The following JAK1 variants were observed in gnomAD, a reference collection of about 807,000 sequenced individuals.
JAK1 encodes tyrosine-protein kinase JAK1.
JAK1 carries 16 observed loss-of-function variants against 136.6 expected under a neutral mutation model. That is an observed-to-expected ratio of 0.12 (90% CI 0.08 to 0.18). JAK1 has a LOEUF of 0.18. Among genes scored for constraint, JAK1 ranks in the 10% least tolerant of loss-of-function variants. The pLI, the probability that JAK1 is intolerant of heterozygous loss-of-function variation, is 1.00. For synonymous variants in JAK1, 492 were observed against 519.5 expected (o/e 0.95, Z 0.72); for missense variants, 859 against 1,450.1 (o/e 0.59, Z 6.62).
intron 2 of JAK1, among the ~76,000 whole-genome samples, chr1:65,016,494 C>T (rs1470644174): frequency 5.9e-5 from 9 of 152,100 alleles, no homozygotes; most frequent in Non-Finnish European, 1.0e-4. Flanking sequence ...TGATGGCATG[C>T]GCCTGTAGTC....
chr1:64,935,497 C>T (rs1645772693), intron 1 of JAK1, among the ~76,000 whole-genome samples: 2 of 152,124 alleles, frequency 1.3e-5, no homozygotes, highest in African/African-American at 2.4e-5. Flanking sequence ...GATGGGGTTT[C>T]GCCATGTTGG....
At chr1:64,932,367 C>T (rs755527260) in intron 1 of JAK1, among the ~76,000 whole-genome samples, 15 of 152,094 alleles carry the variant, frequency 9.9e-5, no homozygotes, top group African/African-American at 3.4e-4. Flanking sequence ...GAGCCGAGAT[C>T]GCGCCACTGT....
intron 2 of JAK1, among the ~76,000 whole-genome samples, chr1:64,977,813 G>A (rs56088273): frequency 0.025 from 3,750 of 151,900 alleles, 177 homozygotes; most frequent in African/African-American, 0.086. Flanking sequence ...ACTGTGCTAA[G>A]TACATATGTG....
At chr1:65,061,307 T>C (rs764910629) in intron 1 of JAK1, among the ~76,000 whole-genome samples, 3 of 151,842 alleles carry the variant, frequency 2.0e-5, no homozygotes, top group Non-Finnish European at 4.4e-5. Context: ...GAGGCTGAGG[T>C]GGGAGGATTG....
intron 1 of JAK1, among the ~76,000 whole-genome samples, chr1:64,940,710 G>T (rs1191536799): frequency 6.6e-6 from 1 of 152,060 alleles, no homozygotes; most frequent in Admixed American, 6.6e-5. Flanking sequence ...TTAAACCCAG[G>T]TCTTTCTACT....
At chr1:64,889,398 T>C (rs1167309129) in intron 1 of JAK1, among the ~76,000 whole-genome samples, 2 of 152,182 alleles carry the variant, frequency 1.3e-5, no homozygotes, top group African/African-American at 2.4e-5. Context: ...CAGTGAATTC[T>C]TCCACCCGAA....
chr1:64,849,661 C>T (rs955882131), intron 12 of JAK1, among the ~76,000 whole-genome samples: 3 of 152,264 alleles, frequency 2.0e-5, no homozygotes, highest in South Asian at 2.1e-4. Flanking sequence ...AAGCAGCAAT[C>T]GTGCCTCGCA....
chr1:64,885,624 G>A (rs1180009303), intron 2 of JAK1, among the ~76,000 whole-genome samples: 1 of 151,992 alleles, frequency 6.6e-6, no homozygotes, highest in East Asian at 1.9e-4. Context: ...GTGGTGGCAT[G>A]CGCCTGTAAT....
chr1:65,030,365 G>A lies in JAK1; in HGVS notation c.-78+14115C>T, dbSNP rs144906790. ...GACAAAGTCTCAGAAACTCATAGAC[G>A]TGTTGTATCAGAAACCATCCCTTAG... On this transcript the variant is annotated intron_variant, in intron 2 of 25. Coordinates refer to the JAK1 transcript ENST00000671954. 4.9e-3 allele frequency among the ~76,000 whole-genome samples: 751 copies of A among 152,280 alleles called. 4 individuals carry two copies. Among genetic ancestry groups the A allele is most frequent in the African/African-American group, 0.017 (721 of 41,560 alleles).
intron 1 of JAK1, among the ~76,000 whole-genome samples, chr1:64,913,751 G>A (rs1487361292): frequency 6.7e-6 from 1 of 149,850 alleles, no homozygotes; most frequent in Non-Finnish European, 1.5e-5. Context: ...GAAAGGAAGT[G>A]TGTGGGAGCA....
chr1:65,063,909 T>C (rs748927160), intron 1 of JAK1, among the ~76,000 whole-genome samples: 6 of 151,952 alleles, frequency 3.9e-5, no homozygotes, highest in Non-Finnish European at 5.9e-5. Context: ...TAATGCAAGC[T>C]ACACATGTAA....
At chr1:65,008,636 C>T (rs1204256747) in intron 2 of JAK1, among the ~76,000 whole-genome samples, 1 of 151,852 alleles carries the variant, frequency 6.6e-6, no homozygotes, top group Non-Finnish European at 1.5e-5. Context: ...TCCCCTTCCC[C>T]TTCCCCTTCG....
intron 17 of JAK1, 95 bp downstream of exon 17, chr1:64,843,969 T>G: frequency 7.0e-7 from 1 of 1,427,846 alleles, no homozygotes; most frequent in Non-Finnish European, 9.7e-7. Context: ...CATGCCCATC[T>G]CTTCCCACAG....
exon 1 of JAK1, chr1:65,067,647 C>G (rs1463331764): frequency 1.3e-5 from 2 of 150,122 alleles, no homozygotes; most frequent in Non-Finnish European, 3.0e-5. Context: ...TTGTTCTTCC[C>G]GCTATTTGCA....
At chr1:65,066,807 A>C (rs888298650) in intron 1 of JAK1, 3 of 152,672 alleles carry the variant, frequency 2.0e-5, no homozygotes, top group Admixed American at 6.5e-5. Context: ...CGGATCCTTC[A>C]TGTAAACAAC....
chr1:65,029,222 A>G (rs533978627), intron 2 of JAK1, among the ~76,000 whole-genome samples: 89 of 152,086 alleles, frequency 5.9e-4, no homozygotes, highest in African/African-American at 2.1e-3. Flanking sequence ...TCAGCCTCTC[A>G]AGTAGCTGGG....
At chr1:65,051,191 T>A (rs1001302599) in intron 1 of JAK1, among the ~76,000 whole-genome samples, 1 of 152,094 alleles carries the variant, frequency 6.6e-6, no homozygotes, top group Admixed American at 6.6e-5. Context: ...CAGGTTTTTT[T>A]TTTTTTAACA....
At chr1:64,911,522 A>G (rs899255626) in intron 1 of JAK1, among the ~76,000 whole-genome samples, 5 of 152,226 alleles carry the variant, frequency 3.3e-5, no homozygotes, top group East Asian at 1.9e-4. Context: ...ATATGTAAAT[A>G]CATGCCAAAA....
At chr1:64,930,718 G>T (rs1645675448) in intron 1 of JAK1, among the ~76,000 whole-genome samples, 1 of 152,086 alleles carries the variant, frequency 6.6e-6, no homozygotes, top group Non-Finnish European at 1.5e-5. Context: ...TTGCAGCACT[G>T]TTCACCATAG....
Sources: allele counts gnomAD v4.1 joint callset (sites outside exome capture counted in the v4.1 genomes callset), GRCh38; gene constraint gnomAD v4.1.1; transcripts MANE v1.5; gene names NCBI Gene and HGNC (gene_info 2026-07-23, HGNC 2026-07-21).